The following BMERB1 variants were observed in gnomAD, a reference collection of about 807,000 sequenced individuals.
BMERB1 encodes bMERB domain-containing protein 1.
Under a neutral mutation model 23.6 loss-of-function variants are expected in BMERB1, and 12 were observed. The ratio of observed to expected loss-of-function variants is 0.51; its 90% confidence interval spans 0.33 to 0.82. The LOEUF (loss-of-function observed/expected upper bound fraction) is 0.82. Ranked by LOEUF, BMERB1 falls within the 40% of genes least tolerant of loss-of-function variation. BMERB1 has a pLI of 0.03. For synonymous variants in BMERB1, 122 were observed against 96.6 expected, an observed-to-expected ratio of 1.26 and a Z score of -1.54; for missense variants, 247 against 255.4, an observed-to-expected ratio of 0.97 and a Z score of 0.22.
intron 3 of BMERB1, among the ~76,000 whole-genome samples, chr16:15,572,182 G>A (rs778235105): frequency 2.9e-4 from 44 of 152,180 alleles, no homozygotes; most frequent in Non-Finnish European, 5.6e-4. Flanking sequence ...GAAAGTTCGC[G>A]ACTTAATTTC....
intron 1 of BMERB1, among the ~76,000 whole-genome samples, chr16:15,474,136 A>G (rs1219308358): frequency 6.6e-6 from 1 of 151,276 alleles, no homozygotes; most frequent in African/African-American, 2.4e-5. Context: ...AAAAAAAAAA[A>G]AGTTTTATTT....
At chr16:15,574,348 C>G (rs941447221) in intron 3 of BMERB1, among the ~76,000 whole-genome samples, 2 of 152,004 alleles carry the variant, frequency 1.3e-5, no homozygotes, top group Non-Finnish European at 2.9e-5. Context: ...TTTTGGGTGG[C>G]GACACAAAGC....
intron 2 of BMERB1, among the ~76,000 whole-genome samples, chr16:15,531,380 C>T (rs1234752607): frequency 6.6e-6 from 1 of 152,144 alleles, no homozygotes; most frequent in African/African-American, 2.4e-5. Flanking sequence ...AAGCATGAGC[C>T]ACCATGCCTG....
At chr16:15,452,954 C>T (rs994232543) in intron 1 of BMERB1, among the ~76,000 whole-genome samples, 14 of 152,168 alleles carry the variant, frequency 9.2e-5, no homozygotes, top group African/African-American at 3.1e-4. Context: ...GAACAGAACC[C>T]GCAGATGACC....
intron 1 of BMERB1, among the ~76,000 whole-genome samples, chr16:15,459,292 G>A (rs1170378733): frequency 3.3e-5 from 5 of 151,470 alleles, no homozygotes; most frequent in African/African-American, 9.7e-5. Flanking sequence ...TTACATAAAT[G>A]CAAATGGATT....
chr16:15,584,186 A>G, intron 5 of BMERB1: 2 of 596,758 alleles, frequency 3.4e-6, no homozygotes, highest in African/African-American at 1.9e-5. Flanking sequence ...TGCTGTCAAG[A>G]AACTGTCTTT....
chr16:15,555,171 G>A (rs149002955), intron 2 of BMERB1, among the ~76,000 whole-genome samples: 1,641 of 152,168 alleles, frequency 0.011, 34 homozygotes, highest in African/African-American at 0.037. Flanking sequence ...AACCTCCTGG[G>A]CTGAAGTGAT....
chr16:15,517,967 GTA>G (rs984677554), intron 2 of BMERB1, among the ~76,000 whole-genome samples: 2 of 150,402 alleles, frequency 1.3e-5, no homozygotes, highest in East Asian at 2.0e-4. Flanking sequence ...ATGTGGGTGT[GTA>G]TGTGTGCGTG....
intron 2 of BMERB1, among the ~76,000 whole-genome samples, chr16:15,525,947 C>T (rs1448253638): frequency 6.6e-6 from 1 of 152,060 alleles, no homozygotes; most frequent in African/African-American, 2.4e-5. Context: ...TAAAGATGAA[C>T]AGGTGATTAT....
chr16:15,500,152 C>T (rs1329891251), intron 1 of BMERB1, among the ~76,000 whole-genome samples: 3 of 151,998 alleles, frequency 2.0e-5, no homozygotes, highest in African/African-American at 7.3e-5. Flanking sequence ...GTGTCCTTCT[C>T]CCCACCTTCC....
chr16:15,460,522 T>C (rs1304528387), intron 1 of BMERB1, among the ~76,000 whole-genome samples: 1 of 152,096 alleles, frequency 6.6e-6, no homozygotes, highest in Admixed American at 6.6e-5. Flanking sequence ...CGGAGCAGGA[T>C]CTGTTGATTT....
intron 1 of BMERB1, among the ~76,000 whole-genome samples, chr16:15,505,180 G>A (rs779452692): frequency 3.3e-5 from 5 of 151,508 alleles, no homozygotes; most frequent in South Asian, 2.1e-4. Flanking sequence ...CCAAAACGTC[G>A]TTTAAGACCT....
At chr16:15,546,861 C>G (rs372971776) in intron 2 of BMERB1, among the ~76,000 whole-genome samples, 2 of 152,076 alleles carry the variant, frequency 1.3e-5, no homozygotes, top group African/African-American at 2.4e-5. Context: ...TTTCTTCACA[C>G]CCCCAATAAA....
chr16:15,586,261 A>G lies in BMERB1; in HGVS notation c.503-456A>G, dbSNP rs1478664384. ...TGAGAAGGTCCAACTTACATGTGAT[A>G]GGCATTCTAGGAGATAAAACAGAGA... On this transcript the variant is annotated intron_variant, in intron 5 of 5. Coordinates refer to ENST00000300006, the MANE Select transcript of BMERB1 (RefSeq NM_033201.3). 2.0e-5 allele frequency among the ~76,000 whole-genome samples: 3 copies of G among 152,246 alleles called. No individual in the cohort carries two copies. In the East Asian group the frequency reaches 5.8e-4, roughly 29 times the overall value.
chr16:15,565,463 G>T (rs778719265), intron 2 of BMERB1, among the ~76,000 whole-genome samples: 13 of 152,126 alleles, frequency 8.5e-5, no homozygotes, highest in Non-Finnish European at 1.8e-4. Flanking sequence ...TTCTGTCTCT[G>T]CTAGCAAAAT....
intron 1 of BMERB1, among the ~76,000 whole-genome samples, chr16:15,473,608 T>C (rs116152784): frequency 0.015 from 2,224 of 152,202 alleles, 62 homozygotes; most frequent in African/African-American, 0.052. Context: ...AGCCATTCTT[T>C]AAGGGCAGGT....
intron 2 of BMERB1, among the ~76,000 whole-genome samples, chr16:15,560,603 G>A (rs2030389275): frequency 6.6e-6 from 1 of 151,886 alleles, no homozygotes; most frequent in Non-Finnish European, 1.5e-5. Flanking sequence ...ACCAGCCTGG[G>A]CAACATGGCA....
chr16:15,562,930 G>C (rs1220903490), intron 2 of BMERB1, among the ~76,000 whole-genome samples: 1 of 152,216 alleles, frequency 6.6e-6, no homozygotes, highest in African/African-American at 2.4e-5. Context: ...GCTGAAGCAA[G>C]GCATTCCTGC....
intron 1 of BMERB1, among the ~76,000 whole-genome samples, chr16:15,489,869 C>T (rs1037821807): frequency 6.6e-5 from 10 of 151,994 alleles, no homozygotes; most frequent in African/African-American, 2.4e-4. Flanking sequence ...ATTCCAGATC[C>T]AATATCTTTT....
Sources: gnomAD v4.1 joint callset for allele counts (sites outside exome capture counted in the v4.1 genomes callset) on GRCh38, gnomAD v4.1.1 for gene constraint, MANE v1.5 for transcripts, NCBI Gene and HGNC (gene_info 2026-07-23, HGNC 2026-07-21) for gene names.